Variants in RIT2 observed in about 807,000 individuals in gnomAD.
The protein encoded by RIT2 is GTP-binding protein Rit2.
A neutral mutation model predicts 23.7 loss-of-function variants in RIT2; 24 were observed. The observed-to-expected ratio is 1.01, with a 90% CI of 0.73 to 1.43. The LOEUF is 1.43. Ranked by LOEUF, RIT2 falls within the 40% of genes most tolerant of loss-of-function variation. The probability of loss-of-function intolerance (pLI) is 0.00; values close to 1 mark genes in which losing one functional copy is unlikely to be tolerated. For synonymous variants in RIT2, 107 were observed against 91.1 expected, an observed-to-expected ratio of 1.17 and a Z score of -0.99; for missense variants, 236 against 266.9, an observed-to-expected ratio of 0.88 and a Z score of 0.81.
chr18:42,762,857 TA>T (rs1913334122), intron 4 of RIT2, among the ~76,000 whole-genome samples: 1 of 152,180 alleles, frequency 6.6e-6, no homozygotes, highest in Admixed American at 6.5e-5. Flanking sequence ...AAATATTTAC[TA>T]AATTCAAATC....
At chr18:42,780,898 GT>G (rs1339120718) in intron 4 of RIT2, among the ~76,000 whole-genome samples, 1 of 150,394 alleles carries the variant, frequency 6.6e-6, no homozygotes, top group Admixed American at 6.7e-5. Context: ...TTTATTTTTG[GT>G]TCACACATTC....
intron 1 of RIT2, among the ~76,000 whole-genome samples, chr18:43,054,557 T>G (rs569839302): frequency 2.0e-5 from 3 of 152,136 alleles, no homozygotes; most frequent in African/African-American, 7.2e-5. Flanking sequence ...ATCTGTAAAA[T>G]AAGTAGTTTA....
intron 4 of RIT2, among the ~76,000 whole-genome samples, chr18:42,830,190 C>T (rs1906417042): frequency 6.6e-6 from 1 of 152,250 alleles, no homozygotes; most frequent in Admixed American, 6.5e-5. Flanking sequence ...TCACTTCTTT[C>T]AAGGTCAGGC....
At chr18:42,767,138 G>A (rs758963707) in intron 4 of RIT2, among the ~76,000 whole-genome samples, 1 of 152,168 alleles carries the variant, frequency 6.6e-6, no homozygotes, top group Non-Finnish European at 1.5e-5. Context: ...GTAAGAAGAC[G>A]GCCATGGTCC....
At chr18:43,048,211 G>T (rs1457388723) in intron 1 of RIT2, among the ~76,000 whole-genome samples, 1 of 152,166 alleles carries the variant, frequency 6.6e-6, no homozygotes, top group Non-Finnish European at 1.5e-5. Context: ...AAAGCTAACT[G>T]ATGTCAGGCT....
At chr18:43,056,981 T>C (rs1279222806) in intron 1 of RIT2, among the ~76,000 whole-genome samples, 1 of 143,762 alleles carries the variant, frequency 7.0e-6, no homozygotes, top group Admixed American at 7.6e-5. Flanking sequence ...GTGTGAGTTC[T>C]GGAAAAAATG....
intron 4 of RIT2, among the ~76,000 whole-genome samples, chr18:42,873,758 C>A (rs1214408924): frequency 6.6e-6 from 1 of 152,056 alleles, no homozygotes; most frequent in East Asian, 1.9e-4. Flanking sequence ...GAAAAGAATG[C>A]CACACTCCTA....
intron 4 of RIT2, among the ~76,000 whole-genome samples, chr18:42,907,082 G>A (rs975083993): frequency 2.0e-5 from 3 of 152,038 alleles, no homozygotes; most frequent in East Asian, 1.9e-4. Flanking sequence ...AATTATGTCT[G>A]TATCTACTGT....
chr18:42,872,210 G>A (rs189515971), intron 4 of RIT2, among the ~76,000 whole-genome samples: 1 of 152,168 alleles, frequency 6.6e-6, no homozygotes, highest in Admixed American at 6.5e-5. Flanking sequence ...AACTGGCTAG[G>A]CCATTGAAGA....
chr18:42,810,365 G>T (rs1905817283), intron 4 of RIT2, among the ~76,000 whole-genome samples: 1 of 151,782 alleles, frequency 6.6e-6, no homozygotes, highest in East Asian at 1.9e-4. Context: ...ATGCTCATTA[G>T]TTGCTCATTA....
intron 4 of RIT2, among the ~76,000 whole-genome samples, chr18:42,858,487 C>G (rs1263847458): frequency 6.6e-6 from 1 of 152,100 alleles, no homozygotes; most frequent in African/African-American, 2.4e-5. Flanking sequence ...GTTAATGCCA[C>G]AAAGGAGTCC....
At chr18:43,070,017 C>T (rs1035329719) in intron 1 of RIT2, among the ~76,000 whole-genome samples, 1 of 151,982 alleles carries the variant, frequency 6.6e-6, no homozygotes, top group African/African-American at 2.4e-5. Context: ...TCTAAGTCCC[C>T]GTAGCCAGAA....
At chr18:42,810,146 C>A (rs547124418) in intron 4 of RIT2, among the ~76,000 whole-genome samples, 1 of 148,752 alleles carries the variant, frequency 6.7e-6, no homozygotes, top group African/African-American at 2.5e-5. Flanking sequence ...CCCAAAATCC[C>A]GAGAATAACT....
intron 1 of RIT2, among the ~76,000 whole-genome samples, chr18:43,107,923 G>A (rs961648768): frequency 6.6e-6 from 1 of 151,758 alleles, no homozygotes; most frequent in Non-Finnish European, 1.5e-5. Flanking sequence ...CAGCCCTTTG[G>A]AAGTCCGAGG....
At chr18:42,777,614 T>C (rs138163873) in intron 4 of RIT2, among the ~76,000 whole-genome samples, 1 of 152,226 alleles carries the variant, frequency 6.6e-6, no homozygotes. Flanking sequence ...TATGTTGGAG[T>C]TCATTGTCAG....
intron 3 of RIT2, among the ~76,000 whole-genome samples, chr18:42,957,946 G>C (rs1910011613): frequency 6.6e-6 from 1 of 152,222 alleles, no homozygotes; most frequent in Non-Finnish European, 1.5e-5. Flanking sequence ...GTGCAATCTT[G>C]CTGCCAGGAT....
chr18:43,035,454 C>CTTAGTTCCTGACTGAAG (rs1911951940), intron 1 of RIT2, among the ~76,000 whole-genome samples: 1 of 152,164 alleles, frequency 6.6e-6, no homozygotes, highest in Non-Finnish European at 1.5e-5. Context: ...GCCTCCCTCT[C>CTTAGTTCCTGACTGAAG]TTAGTTCCTG....
At chr18:43,029,699 T>C (rs558025459) in intron 2 of RIT2, among the ~76,000 whole-genome samples, 1 of 152,136 alleles carries the variant, frequency 6.6e-6, no homozygotes, top group African/African-American at 2.4e-5. Context: ...CTCCTTTGCT[T>C]TGAACAATGC....
chr18:42,933,932 C>T (rs559203659), intron 3 of RIT2, among the ~76,000 whole-genome samples: 2 of 150,770 alleles, frequency 1.3e-5, no homozygotes, highest in African/African-American at 4.9e-5. Context: ...GCAGGAGAAT[C>T]GCTTGAACCC....
Sources: gnomAD v4.1 joint callset for allele counts (sites outside exome capture counted in the v4.1 genomes callset) on GRCh38, gnomAD v4.1.1 for gene constraint, MANE v1.5 for transcripts, NCBI Gene and HGNC (gene_info 2026-07-23, HGNC 2026-07-21) for gene names.